Variants in SRL observed in about 807,000 individuals in gnomAD.
SRL encodes sarcalumenin.
In SRL, 23 loss-of-function variants were observed where a neutral mutation model predicts 39.5. That is an observed-to-expected ratio of 0.58 (90% confidence interval 0.42 to 0.82). The LOEUF is 0.82. Ranked by LOEUF, SRL falls within the 40% of genes least tolerant of loss-of-function variation. The pLI is 0.00. For synonymous variants in SRL, 272 were observed against 237.4 expected (o/e 1.15, Z -1.34); for missense variants, 592 against 607.8 (o/e 0.97, Z 0.27).
Position 4,220,278 on chromosome 16 carries a change from A to AACACACACACACACACACAC in SRL, c.62-15664_62-15645dup, listed in dbSNP as rs71394664. Among the ~76,000 whole-genome samples the AACACACACACACACACACAC allele has an allele frequency of 7.4e-3, 1,035 of 140,748 alleles. 13 individuals carry two copies. Among genetic ancestry groups the AACACACACACACACACACAC allele is most frequent in the South Asian group, 0.016 (68 of 4,282 alleles). The allele number at this position is 140,748 out of a possible 152,430, so 92.3% of individuals were successfully genotyped here. A position where few individuals can be genotyped will look rare whatever the true frequency, so the allele number is the denominator to read the frequency against. ...CATAGCGAAAATCTGTCTCTACTAA[A>AACACACACACACACACACAC]ACACACACACACACACACACACACA... On this transcript the variant is annotated intron_variant, in intron 1 of 5. Transcript: ENST00000399609.
intron 1 of SRL, among the ~76,000 whole-genome samples, chr16:4,234,446 G>C (rs893720831): frequency 6.6e-5 from 10 of 152,196 alleles, no homozygotes; most frequent in Non-Finnish European, 2.9e-5. Flanking sequence ...CAGGCAACAG[G>C]CATGTCCCCA....
Position 4,190,305 on chromosome 16 carries a change from C to G in SRL, c.*1848G>C. 2.5e-6 allele frequency: 1 copy of G among 399,202 alleles called. No homozygotes were observed. The highest frequency in any genetic ancestry group is 4.4e-5 in the Admixed American group (1 of 22,744). 24.7% of individuals were successfully genotyped at this position (399,202 alleles called of 1,614,324 possible). On this transcript the variant is annotated 3_prime_UTR_variant, in exon 6 of 6. Transcript: ENST00000399609. Reference sequence around the variant, plus strand: ...GACCTCAGAGTGCCTCTCCCTCTGCCTGCCTTTCCACTGTCCTGGGTCCAG... The same window carrying G: ...GACCTCAGAGTGCCTCTCCCTCTGCGTGCCTTTCCACTGTCCTGGGTCCAG...
At chr16:4,217,308 C>T (rs1284305400) in intron 1 of SRL, among the ~76,000 whole-genome samples, 1 of 152,206 alleles carries the variant, frequency 6.6e-6, no homozygotes, top group Non-Finnish European at 1.5e-5. Context: ...GCTCTGTCAC[C>T]TGGACTGGAG....
rs997955538 is a variant in SRL at position 4,207,531 on chromosome 16, G to C, written c.62-2897C>G. On this transcript the variant is annotated intron_variant, in intron 1 of 5. Coordinates refer to ENST00000399609, the MANE Select transcript of SRL (RefSeq NM_001098814.2). Reference sequence around the variant, plus strand: ...GCCGACCCCATCACCCTCTGAGTGAGGAGAGGCCCCCTCTGCCTTTGGCTC... The same window carrying C: ...GCCGACCCCATCACCCTCTGAGTGACGAGAGGCCCCCTCTGCCTTTGGCTC... The C allele has an allele frequency of 2.0e-5, 9 of 456,384 alleles. No homozygotes were observed. The Middle Eastern group carries it at 1.3e-3, about 66-fold the overall frequency. The allele number at this position is 456,384 out of a possible 1,614,324, so 28.3% of individuals were successfully genotyped here. A position where few individuals can be genotyped will look rare whatever the true frequency, so the allele number is the denominator to read the frequency against.
chr16:4,199,939 C>A lies in SRL; in HGVS notation c.260-2024G>T, dbSNP rs556659904. The stretch of plus-strand genomic sequence containing the variant: ...CTCGAACTCTTGACCTCAAGTGATC[C>A]ACCTGCCTCGGCTTCCCAAAGTGCT... On this transcript the variant is annotated intron_variant, in intron 3 of 5. Coordinates refer to ENST00000399609, the MANE Select transcript of SRL (RefSeq NM_001098814.2). 6.6e-5 allele frequency among the ~76,000 whole-genome samples: 10 copies of A among 152,254 alleles called. No homozygotes were observed. The East Asian group carries it at 1.9e-3, about 29-fold the overall frequency.
intron 1 of SRL, among the ~76,000 whole-genome samples, chr16:4,233,545 A>G (rs2052680908): frequency 6.6e-6 from 1 of 152,002 alleles, no homozygotes; most frequent in South Asian, 2.1e-4. Context: ...AACCAGAGTG[A>G]GCATAGACTG....
chr16:4,228,745 G>GA (rs899328441), intron 1 of SRL, among the ~76,000 whole-genome samples: 5 of 150,978 alleles, frequency 3.3e-5, no homozygotes, highest in African/African-American at 1.2e-4. Flanking sequence ...AAAAAAAAAA[G>GA]AAAAAAAGAA....
intron 4 of SRL, 83 bp from the exon 5 acceptor site, chr16:4,195,869 T>G: frequency 8.5e-7 from 1 of 1,176,790 alleles, no homozygotes; most frequent in Non-Finnish European, 1.2e-6. Context: ...ATGCCTGGTG[T>G]CACAGGGAGA....
intron 5 of SRL, among the ~76,000 whole-genome samples, chr16:4,194,981 A>ACCT (rs1175896404): frequency 6.6e-6 from 1 of 151,452 alleles, no homozygotes; most frequent in Non-Finnish European, 1.5e-5. Flanking sequence ...TGCAGCCTTG[A>ACCT]CCTCCTGGGC....
chr16:4,206,093 C>A (rs2052315071), intron 1 of SRL, among the ~76,000 whole-genome samples: 1 of 152,210 alleles, frequency 6.6e-6, no homozygotes, highest in African/African-American at 2.4e-5. Context: ...ATGAAGGTGC[C>A]TGACCGACCC....
chr16:4,213,679 G>A (rs1398142668), intron 1 of SRL, among the ~76,000 whole-genome samples: 1 of 151,968 alleles, frequency 6.6e-6, no homozygotes, highest in African/African-American at 2.4e-5. Flanking sequence ...CCAAAGTGCT[G>A]GGATTACAGG....
At chr16:4,220,491 C>A (rs2052514315) in intron 1 of SRL, among the ~76,000 whole-genome samples, 1 of 152,018 alleles carries the variant, frequency 6.6e-6, no homozygotes, top group Non-Finnish European at 1.5e-5. Flanking sequence ...TGGGAGCAGC[C>A]TTGCTAGAGC....
chr16:4,202,846 T>G (rs2052255307), intron 3 of SRL, among the ~76,000 whole-genome samples: 4 of 152,038 alleles, frequency 2.6e-5, no homozygotes, highest in Admixed American at 2.6e-4. Context: ...ACAGGAGGGA[T>G]TGAAATAGGC....
chr16:4,233,109 C>G (rs1393560389), intron 1 of SRL, among the ~76,000 whole-genome samples: 1 of 152,208 alleles, frequency 6.6e-6, no homozygotes, highest in Admixed American at 6.5e-5. Context: ...AGAAAACAGG[C>G]TAGAGTCTTC....
intron 3 of SRL, among the ~76,000 whole-genome samples, chr16:4,199,061 A>T (rs894976405): frequency 3.9e-5 from 6 of 152,200 alleles, no homozygotes; most frequent in African/African-American, 1.4e-4. Context: ...ACAGAGGGCC[A>T]GTCCTGCATA....
intron 1 of SRL, among the ~76,000 whole-genome samples, chr16:4,209,582 AC>A (rs1196721832): frequency 2.0e-5 from 3 of 152,126 alleles, no homozygotes; most frequent in Admixed American, 1.3e-4. Context: ...CCCTCAGGGT[AC>A]CCACCCTTGT....
chr16:4,230,403 CAG>C (rs1032549378), intron 1 of SRL, among the ~76,000 whole-genome samples: 9 of 145,294 alleles, frequency 6.2e-5, no homozygotes, highest in Middle Eastern at 7.0e-3. Context: ...TTTTTTGAGA[CAG>C]AGTCTTGCCC....
chr16:4,208,383 G>C (rs756545978), intron 1 of SRL, among the ~76,000 whole-genome samples: 1 of 152,140 alleles, frequency 6.6e-6, no homozygotes, highest in Non-Finnish European at 1.5e-5. Context: ...GCTAACCCGA[G>C]AACCGCCCCC....
At chr16:4,221,821 C>T (rs2052534335) in intron 1 of SRL, among the ~76,000 whole-genome samples, 1 of 152,184 alleles carries the variant, frequency 6.6e-6, no homozygotes, top group Admixed American at 6.5e-5. Context: ...TCTCTAGCTT[C>T]TGGTGTTTGC....
Sources: gnomAD v4.1 joint callset for allele counts (sites outside exome capture counted in the v4.1 genomes callset) on GRCh38, gnomAD v4.1.1 for gene constraint, MANE v1.5 for transcripts, NCBI Gene and HGNC (gene_info 2026-07-23, HGNC 2026-07-21) for gene names.